The following ERP27 variants were observed in gnomAD, a reference collection of about 807,000 sequenced individuals.
ERP27 encodes endoplasmic reticulum protein 27, also known as endoplasmic reticulum resident protein 27.
A neutral mutation model predicts 27.7 loss-of-function variants in ERP27; 23 were observed. That is an observed-to-expected ratio of 0.83 (90% CI 0.60 to 1.18). The LOEUF (loss-of-function observed/expected upper bound fraction) is 1.18, where lower values mean the gene tolerates loss of function less well. ERP27 is among the 50% of genes most tolerant of loss of function. ERP27 has a pLI of 0.00. For missense variants in ERP27, 363 were observed against 327.9 expected (o/e 1.11, Z -0.83); for synonymous variants, 159 against 118.3 (o/e 1.34, Z -2.23).
chr12:14,916,838 G>A (rs984637784), intron 5 of ERP27, among the ~76,000 whole-genome samples: 5 of 152,084 alleles, frequency 3.3e-5, no homozygotes, highest in African/African-American at 1.2e-4. Context: ...GAGCCCTGAG[G>A]TCTAAATCTC....
Position 14,914,567 on chromosome 12 carries a change from TGTGTGTGTGTGC to T in ERP27, c.*156_*167del, listed in dbSNP as rs1463721992. The T allele has an allele frequency of 3.2e-5, 17 of 534,506 alleles. No homozygotes were observed. Among genetic ancestry groups the T allele is most frequent in the Non-Finnish European group, 4.4e-5 (14 of 315,202 alleles). 33.1% of individuals were successfully genotyped at this position (534,506 alleles called of 1,614,324 possible). ...GACAGGAAATGAAGCTCTGTGTGTG[TGTGTGTGTGTGC>T]GTGTGTGTGTGCACGCGTGCGTGCG... On this transcript the variant is annotated 3_prime_UTR_variant, in exon 7 of 7. Coordinates refer to ENST00000266397, the MANE Select transcript of ERP27 (RefSeq NM_152321.4).
At position 14,914,604 on chromosome 12, in the gene ERP27, G is replaced by A. The variant is rs575254357; in HGVS notation, c.*131C>T. On this transcript the variant is annotated 3_prime_UTR_variant, in exon 7 of 7. Coordinates refer to ENST00000266397, the MANE Select transcript of ERP27 (RefSeq NM_152321.4). ...CGTGTGTGTGTGCACGCGTGCGTGC[G>A]TGTGTGCACGTGCGTGTGTGTGTGG... is the stretch of plus-strand genomic sequence containing the variant. The A allele has an allele frequency of 1.5e-3, 990 of 682,678 alleles. 1 individual carries two copies. Among genetic ancestry groups the A allele is most frequent in the Non-Finnish European group, 2.1e-3 (816 of 397,892 alleles). 42.3% of individuals were successfully genotyped at this position (682,678 alleles called of 1,614,324 possible).
intron 3 of ERP27, 145 bp from the exon 4 acceptor site, chr12:14,921,193 C>G: frequency 1.5e-6 from 1 of 651,188 alleles, no homozygotes; most frequent in Admixed American, 2.7e-5. Context: ...CCTAGGGGGA[C>G]AAACTGTCCT....
At chr12:14,918,377 A>G (rs1863447233) in intron 4 of ERP27, among the ~76,000 whole-genome samples, 1 of 152,208 alleles carries the variant, frequency 6.6e-6, no homozygotes, top group Non-Finnish European at 1.5e-5. Context: ...GACCAGAAGC[A>G]TTGACCTTGT....
chr12:14,919,919 T>C (rs1395850200), intron 4 of ERP27, among the ~76,000 whole-genome samples: 1 of 152,154 alleles, frequency 6.6e-6, no homozygotes, highest in Non-Finnish European at 1.5e-5. Context: ...CTCTATAAAA[T>C]GGACACAATA....
intron 4 of ERP27, among the ~76,000 whole-genome samples, chr12:14,919,397 G>A (rs1863465244): frequency 6.6e-6 from 1 of 152,164 alleles, no homozygotes; most frequent in Admixed American, 6.5e-5. Context: ...GCCTTAGCTA[G>A]CTTGCAAAAT....
At chr12:14,927,426 G>A (rs900733221) in intron 3 of ERP27, among the ~76,000 whole-genome samples, 1 of 151,816 alleles carries the variant, frequency 6.6e-6, no homozygotes, top group Non-Finnish European at 1.5e-5. Flanking sequence ...TGCAGCCCTT[G>A]AGAGGGCTTA....
intron 3 of ERP27, among the ~76,000 whole-genome samples, chr12:14,931,761 T>C (rs764419282): frequency 1.3e-5 from 2 of 152,090 alleles, no homozygotes; most frequent in Non-Finnish European, 2.9e-5. Flanking sequence ...CTTGTTTTTC[T>C]TCCCCATGTG....
chr12:14,929,001 C>T (rs942646330), intron 3 of ERP27: 1 of 1,535,120 alleles, frequency 6.5e-7, no homozygotes, highest in Non-Finnish European at 8.7e-7. Flanking sequence ...TTGCAACCAC[C>T]AAAATCATCA....
At chr12:14,938,359 T>A in intron 1 of ERP27, 56 bp downstream of exon 1, 1 of 1,555,234 alleles carries the variant, frequency 6.4e-7, no homozygotes, top group South Asian at 1.1e-5. Flanking sequence ...ATGCTCCCTT[T>A]CCTTCTCCTA....
chr12:14,916,096 A>G (rs1476305244), intron 5 of ERP27, among the ~76,000 whole-genome samples: 3 of 152,176 alleles, frequency 2.0e-5, no homozygotes, highest in Non-Finnish European at 4.4e-5. Context: ...GGGTGATGAA[A>G]TCATCTGTAC....
chr12:14,929,247 A>C, intron 3 of ERP27: 1 of 784,158 alleles, frequency 1.3e-6, no homozygotes, highest in Non-Finnish European at 1.7e-6. Flanking sequence ...AATGCACTAA[A>C]TTGGAGGCAG....
Position 14,914,704 on chromosome 12 carries a change from A to G in ERP27, c.*31T>C. 1 of 1,600,150 alleles carries G rather than the reference A, an allele frequency of 6.2e-7. No homozygotes were observed. Among genetic ancestry groups the G allele is most frequent in the Non-Finnish European group, 8.5e-7 (1 of 1,170,964 alleles). On this transcript the variant is annotated 3_prime_UTR_variant, in exon 7 of 7. Coordinates refer to ENST00000266397, the MANE Select transcript of ERP27 (RefSeq NM_152321.4). The stretch of plus-strand genomic sequence containing the variant: ...TGCCTTTTTACTTTGCATAAAGTAG[A>G]TACTTGGCCATATGTAGTTCCAAGG...
chr12:14,915,591 A>C lies in ERP27; in HGVS notation c.672T>G (p.Ile224Met). Residue 224 changes from isoleucine to methionine, a missense_variant, in exon 6 of 7, where the codon ATT (isoleucine) becomes ATG (methionine). Transcript: ENST00000266397. ...CCCACTCGTCATCTAGAGTCTGGTA[A>C]ATTGCCAAAGCTGGCAGTTGAGACT... ...LKESQLPALA[I>M]YQTLDDEWDT... The C allele has an allele frequency of 6.2e-7, 1 of 1,614,214 alleles. No individual in the cohort carries two copies. The highest frequency in any genetic ancestry group is 8.5e-7 in the Non-Finnish European group (1 of 1,180,032).
intron 3 of ERP27, among the ~76,000 whole-genome samples, chr12:14,931,616 A>C (rs1389170278): frequency 6.6e-6 from 1 of 152,186 alleles, no homozygotes; most frequent in East Asian, 1.9e-4. Flanking sequence ...ACTAGCGGTA[A>C]ACAAAAAACA....
chr12:14,933,196 T>A (rs2120618326), intron 3 of ERP27, among the ~76,000 whole-genome samples: 1 of 152,244 alleles, frequency 6.6e-6, no homozygotes, highest in Non-Finnish European at 1.5e-5. Flanking sequence ...AACAGAACAG[T>A]CTTTGCCTTC....
In ERP27 at chr12:14,937,989, A is replaced by G; in HGVS notation, c.158T>C (p.Ile53Thr). The part of the protein sequence containing the change: ...LTDVPAAMEF[I>T]AATEVAVIGF... Reference sequence around the variant, plus strand: ...TATGACAGCCACCTCAGTGGCAGCAATGAATTCCATGGCAGCTGGGACATC... The same window carrying G: ...TATGACAGCCACCTCAGTGGCAGCAGTGAATTCCATGGCAGCTGGGACATC... Residue 53 changes from isoleucine (I) to threonine (T), a missense_variant, in exon 2 of 7, where the codon ATT (isoleucine) becomes ACT (threonine). Coordinates refer to ENST00000266397, the MANE Select transcript of ERP27 (RefSeq NM_152321.4). 2 of 1,614,094 alleles carry G rather than the reference A, an allele frequency of 1.2e-6. No individual in the cohort carries two copies.
At chr12:14,931,391 ACT>A (rs1402817892) in intron 3 of ERP27, among the ~76,000 whole-genome samples, 1 of 151,552 alleles carries the variant, frequency 6.6e-6, no homozygotes, top group Non-Finnish European at 1.5e-5. Flanking sequence ...AGTGCTCCAA[ACT>A]CTTGAATAAT....
At position 14,915,754 on chromosome 12, in the gene ERP27, T is replaced by C. The variant is rs76351072; in HGVS notation, c.577-68A>G. The stretch of plus-strand genomic sequence containing the variant: ...GACGTCCAGGGATAAAGAGATACCT[T>C]GTAATTGTTGCAGCTCACACTGATT... On this transcript the variant is annotated intron_variant, in intron 5 of 6. Transcript: ENST00000266397. 1,493 of 1,392,088 alleles carry C rather than the reference T, an allele frequency of 1.1e-3. 14 individuals carry two copies. In the African/African-American group the frequency reaches 0.02, roughly 19 times the overall value. The allele number at this position is 1,392,088 out of a possible 1,614,324, so 86.2% of individuals were successfully genotyped here.
Sources: gnomAD v4.1 joint callset for allele counts (sites outside exome capture counted in the v4.1 genomes callset) on GRCh38, gnomAD v4.1.1 for gene constraint, MANE v1.5 for transcripts, NCBI Gene and HGNC (gene_info 2026-07-23, HGNC 2026-07-21) for gene names.